Variants in VGLL4 observed in about 807,000 individuals in gnomAD.
VGLL4 encodes the protein transcription cofactor vestigial-like protein 4.
Under a neutral mutation model 21.0 loss-of-function variants are expected in VGLL4, and 7 were observed. That is an observed-to-expected ratio of 0.33 (90% confidence interval 0.19 to 0.63). The LOEUF (loss-of-function observed/expected upper bound fraction) is 0.63, where lower values mean the gene tolerates loss of function less well. VGLL4 is among the 20% of genes least tolerant of loss of function. The pLI, the probability that VGLL4 is intolerant of heterozygous loss-of-function variation, is 0.78. For synonymous variants in VGLL4, 222 were observed against 173.2 expected, an observed-to-expected ratio of 1.28 and a Z score of -2.21; for missense variants, 394 against 425.7, an observed-to-expected ratio of 0.93 and a Z score of 0.66.
In VGLL4 at chr3:11,702,682, G is replaced by C. The variant is rs375587585; in HGVS notation, c.64+289C>G. The C allele has an allele frequency of 3.0e-5, 5 of 164,658 alleles. No homozygotes were observed. The East Asian group carries it at 6.2e-4, about 20-fold the overall frequency. The allele number at this position is 164,658 out of a possible 1,614,324, so 10.2% of individuals were successfully genotyped here. On this transcript the variant is annotated intron_variant, in intron 2 of 5. Coordinates refer to the VGLL4 transcript ENST00000273038. ...CAGTTAAATACCAGTACCCACACTT[G>C]AGTCCACGAGTTTGAAACCAGCCTG... is the stretch of plus-strand genomic sequence containing the variant.
intron 2 of VGLL4, among the ~76,000 whole-genome samples, chr3:11,680,830 T>C (rs143328026): frequency 1.1e-4 from 16 of 152,342 alleles, no homozygotes; most frequent in Middle Eastern, 3.4e-3. Flanking sequence ...AAAGCAGAGA[T>C]GACGCTTCTC....
At chr3:11,626,101 T>C (rs61263918) in intron 1 of VGLL4, among the ~76,000 whole-genome samples, 3,898 of 152,312 alleles carry the variant, frequency 0.026, 75 homozygotes, top group East Asian at 0.052. Flanking sequence ...CTATCATCTT[T>C]TAAAAGCTAT....
intron 2 of VGLL4, among the ~76,000 whole-genome samples, chr3:11,657,596 C>G (rs1484685051): frequency 6.6e-6 from 1 of 152,164 alleles, no homozygotes; most frequent in Admixed American, 6.6e-5. Flanking sequence ...CAGCTGCTAA[C>G]TAGGAGGAAT....
upstream of VGLL4, among the ~76,000 whole-genome samples, chr3:11,644,404 C>T (rs2125334290): frequency 6.6e-6 from 1 of 152,210 alleles, no homozygotes; most frequent in East Asian, 1.9e-4. Context: ...CTTCCATAAT[C>T]CCCATAACAA....
intron 2 of VGLL4, among the ~76,000 whole-genome samples, chr3:11,671,032 C>T (rs2076206603): frequency 6.6e-6 from 1 of 152,086 alleles, no homozygotes; most frequent in African/African-American, 2.4e-5. Flanking sequence ...GATTCCGTCT[C>T]AAAAATAAAT....
At chr3:11,575,348 T>C (rs1575402370) in intron 2 of VGLL4, among the ~76,000 whole-genome samples, 1 of 152,044 alleles carries the variant, frequency 6.6e-6, no homozygotes, top group African/African-American at 2.4e-5. Flanking sequence ...CTCTCAAGAG[T>C]GACAGTCATT....
At chr3:11,659,326 CTTTTTTTTTTTTTT>C (rs5846714) in intron 2 of VGLL4, among the ~76,000 whole-genome samples, 4 of 70,830 alleles carry the variant, frequency 5.6e-5, no homozygotes, top group African/African-American at 1.6e-4. Context: ...TTTTCTTTTT[CTTTTTTTTTTTTTT>C]TTTTTTTTGA....
chr3:11,584,640 A>G (rs1440924445), intron 2 of VGLL4, among the ~76,000 whole-genome samples: 1 of 152,218 alleles, frequency 6.6e-6, no homozygotes, highest in East Asian at 1.9e-4. Flanking sequence ...ACAGTAAAAC[A>G]ATGTAAACAA....
intron 2 of VGLL4, among the ~76,000 whole-genome samples, chr3:11,577,887 AC>A (rs1167477060): frequency 6.6e-6 from 1 of 152,206 alleles, no homozygotes; most frequent in Non-Finnish European, 1.5e-5. Flanking sequence ...TTCTATGTCA[AC>A]CTTGCCATGC....
intron 1 of VGLL4, among the ~76,000 whole-genome samples, chr3:11,625,538 G>A (rs1387511078): frequency 1.3e-5 from 2 of 152,168 alleles, no homozygotes; most frequent in African/African-American, 2.4e-5. Context: ...CTCCAGACAG[G>A]TTACACCAGA....
At chr3:11,673,494 G>A (rs1023118702) in intron 2 of VGLL4, among the ~76,000 whole-genome samples, 4 of 152,060 alleles carry the variant, frequency 2.6e-5, no homozygotes, top group African/African-American at 9.7e-5. Context: ...ATTGCCAGAA[G>A]AAGAAAAGAA....
intron 2 of VGLL4, among the ~76,000 whole-genome samples, chr3:11,699,807 G>C (rs529387744): frequency 1.1e-4 from 17 of 150,316 alleles, no homozygotes; most frequent in African/African-American, 4.2e-4. Context: ...AGCAAGTTCT[G>C]TCTCAAAAAA....
intron 2 of VGLL4, among the ~76,000 whole-genome samples, chr3:11,666,663 A>T (rs746242809): frequency 3.9e-5 from 6 of 152,156 alleles, no homozygotes; most frequent in Non-Finnish European, 8.8e-5. Context: ...ATAAAAGACA[A>T]ATGCATATCT....
chr3:11,571,241 G>A lies in VGLL4; in HGVS notation c.273-6222C>T, dbSNP rs561572757. Among the ~76,000 whole-genome samples the A allele has an allele frequency of 1.4e-4, 21 of 152,256 alleles. No individual in the cohort carries two copies. In the East Asian group the frequency reaches 3.7e-3, roughly 27 times the overall value. ...GGCAGAGACTGTCTCTGCCTTCTATGCGTCAGCAACTACTGCCATAGCTTA... is the reference window on the plus strand; with the variant it reads ...GGCAGAGACTGTCTCTGCCTTCTATACGTCAGCAACTACTGCCATAGCTTA... On this transcript the variant is annotated intron_variant, in intron 2 of 4. Transcript: ENST00000430365.
intron 2 of VGLL4, among the ~76,000 whole-genome samples, chr3:11,659,425 G>A (rs996177640): frequency 1.6e-4 from 23 of 140,912 alleles, no homozygotes; most frequent in African/African-American, 5.6e-4. Flanking sequence ...TCCACCTCCC[G>A]GGTTCAAGCA....
chr3:11,628,172 T>C (rs933195879), intron 1 of VGLL4, among the ~76,000 whole-genome samples: 2 of 150,460 alleles, frequency 1.3e-5, no homozygotes, highest in South Asian at 2.1e-4. Flanking sequence ...GCAGATCACC[T>C]GAGTTCGGGA....
At position 11,622,927 on chromosome 3, in the gene VGLL4, C is replaced by T. The variant is rs115990541; in HGVS notation, c.82+20510G>A. Among the ~76,000 whole-genome samples the T allele has an allele frequency of 6.2e-3, 943 of 152,332 alleles. 12 individuals are homozygous for T. The highest frequency in any genetic ancestry group is 0.022 in the African/African-American group (911 of 41,564). On this transcript the variant is annotated intron_variant, in intron 1 of 4. Coordinates refer to ENST00000430365, the MANE Select transcript of VGLL4 (RefSeq NM_001128219.3). ...AAAGGCTCTTGTATTTCCTTTCTTACGCTTCCTTGGGCTGTTCCAGCTTGG... is the reference window on the plus strand; with the variant it reads ...AAAGGCTCTTGTATTTCCTTTCTTATGCTTCCTTGGGCTGTTCCAGCTTGG...
intron 2 of VGLL4, chr3:11,582,488 G>A: frequency 2.2e-6 from 2 of 926,876 alleles, no homozygotes; most frequent in Non-Finnish European, 3.1e-6. Context: ...GTTTCCTATG[G>A]GTCCTGGGGT....
chr3:11,696,804 T>C (rs569249953), intron 2 of VGLL4, among the ~76,000 whole-genome samples: 1 of 152,310 alleles, frequency 6.6e-6, no homozygotes, highest in African/African-American at 2.4e-5. Flanking sequence ...GGTGGCACCA[T>C]CACAGTTCAC....
Sources: gnomAD v4.1 joint callset for allele counts (sites outside exome capture counted in the v4.1 genomes callset) on GRCh38, gnomAD v4.1.1 for gene constraint, MANE v1.5 for transcripts, NCBI Gene and HGNC (gene_info 2026-07-23, HGNC 2026-07-21) for gene names.